The following MSR1 variants were observed in gnomAD, a reference collection of about 807,000 sequenced individuals.
The protein encoded by MSR1 is macrophage scavenger receptor 1, also known as macrophage scavenger receptor types I and II.
Under a neutral mutation model 47.2 loss-of-function variants are expected in MSR1, and 53 were observed. The ratio of observed to expected loss-of-function variants is 1.12; its 90% CI spans 0.90 to 1.41. The LOEUF (loss-of-function observed/expected upper bound fraction) is 1.41. Among genes scored for constraint, MSR1 ranks in the 40% most tolerant of loss-of-function variants. The pLI, the probability that MSR1 is intolerant of heterozygous loss-of-function variation, is 0.00. For synonymous variants in MSR1, 239 were observed against 185.6 expected, an observed-to-expected ratio of 1.29 and a Z score of -2.34; for missense variants, 786 against 546.9, an observed-to-expected ratio of 1.44 and a Z score of -4.36.
At chr8:16,168,980 T>G in intron 3 of MSR1, 110 bp from the exon 4 acceptor site, 1 of 1,101,934 alleles carries the variant, frequency 9.1e-7, no homozygotes, top group Non-Finnish European at 1.3e-6. Flanking sequence ...CATTCCAACA[T>G]TTTGAATGCT....
At position 16,168,876 on chromosome 8, in the gene MSR1, T is replaced by C; in HGVS notation, c.218-6A>G. On this transcript the variant is annotated splice_polypyrimidine_tract_variant and splice_region_variant and intron_variant, in intron 3 of 9. Transcript: ENST00000262101. The stretch of plus-strand genomic sequence containing the variant: ...TTCCCACTTCAGGAGTTGAGCTGTA[T>C]ATTTAAGTAAAAATAAACCAGTCAT... 1 of 1,611,274 alleles carries C rather than the reference T, an allele frequency of 6.2e-7. No individual in the cohort carries two copies. The highest frequency in any genetic ancestry group is 8.5e-7 in the Non-Finnish European group (1 of 1,179,914).
chr8:16,157,646 G>C (rs143494639), intron 5 of MSR1, among the ~76,000 whole-genome samples: 2,022 of 151,830 alleles, frequency 0.013, 54 homozygotes, highest in African/African-American at 0.046. Flanking sequence ...AGATTCATTG[G>C]GGGAATAAAA....
chr8:16,187,923 T>C (rs404906), intron 1 of MSR1, among the ~76,000 whole-genome samples: 27,745 of 152,148 alleles, frequency 0.18, 3,955 homozygotes, highest in African/African-American at 0.39. Context: ...ATAATCATTG[T>C]AATTTTTTAG....
chr8:16,149,665 G>C (rs34853943), intron 7 of MSR1, among the ~76,000 whole-genome samples: 2 of 152,232 alleles, frequency 1.3e-5, no homozygotes, highest in African/African-American at 4.8e-5. Context: ...CATCATGTGT[G>C]TACATTTCAA....
chr8:16,147,344 C>G (rs902658261), intron 7 of MSR1, among the ~76,000 whole-genome samples: 3 of 152,006 alleles, frequency 2.0e-5, no homozygotes, highest in Non-Finnish European at 4.4e-5. Flanking sequence ...CCCTTACGAG[C>G]AGTGTGTACT....
intron 8 of MSR1, among the ~76,000 whole-genome samples, chr8:16,125,022 A>G (rs923455604): frequency 6.6e-5 from 10 of 151,948 alleles, no homozygotes; most frequent in African/African-American, 1.2e-4. Context: ...TGGCATAAAC[A>G]TAAGTGTTTT....
chr8:16,179,601 C>T (rs1015530833), intron 1 of MSR1, among the ~76,000 whole-genome samples: 5 of 151,896 alleles, frequency 3.3e-5, no homozygotes, highest in African/African-American at 1.2e-4. Context: ...ATTTATTGGC[C>T]GGGCACAGTG....
chr8:16,170,426 G>T (rs1422687390), intron 3 of MSR1, among the ~76,000 whole-genome samples: 2 of 151,776 alleles, frequency 1.3e-5, no homozygotes, highest in Non-Finnish European at 2.9e-5. Context: ...ATTCAGTCAT[G>T]GCTGAGGTTT....
chr8:16,183,792 T>A (rs868401080), intron 1 of MSR1, among the ~76,000 whole-genome samples: 1 of 143,610 alleles, frequency 7.0e-6, no homozygotes, highest in Middle Eastern at 3.6e-3. Flanking sequence ...TAATATATTA[T>A]ATATTATATT....
intron 8 of MSR1, among the ~76,000 whole-genome samples, chr8:16,136,186 C>T (rs1350540019): frequency 6.6e-6 from 1 of 152,080 alleles, no homozygotes; most frequent in Non-Finnish European, 1.5e-5. Flanking sequence ...CCATTGCATG[C>T]AGCAGAGAAA....
At chr8:16,177,603 T>C (rs984746968) in intron 2 of MSR1, among the ~76,000 whole-genome samples, 1 of 152,078 alleles carries the variant, frequency 6.6e-6, no homozygotes, top group Non-Finnish European at 1.5e-5. Flanking sequence ...GATTTTCGAA[T>C]ATTAGCTCAC....
chr8:16,153,256 G>A (rs1800910467), intron 6 of MSR1, among the ~76,000 whole-genome samples: 1 of 152,012 alleles, frequency 6.6e-6, no homozygotes, highest in African/African-American at 2.4e-5. Context: ...TTTGCTTCCT[G>A]ATTTCGGCAT....
intron 8 of MSR1, among the ~76,000 whole-genome samples, chr8:16,134,091 T>A (rs1585147337): frequency 6.6e-6 from 1 of 152,226 alleles, no homozygotes; most frequent in African/African-American, 2.4e-5. Flanking sequence ...TTTTGTCAAC[T>A]GCTGATTCCT....
intron 8 of MSR1, among the ~76,000 whole-genome samples, chr8:16,125,721 C>G (rs1279066946): frequency 3.3e-5 from 5 of 152,100 alleles, no homozygotes; most frequent in African/African-American, 9.7e-5. Flanking sequence ...GGTAGACATA[C>G]TGGTACTTCA....
chr8:16,183,589 CATAAT>C (rs1482886867), intron 1 of MSR1, among the ~76,000 whole-genome samples: 3 of 137,536 alleles, frequency 2.2e-5, no homozygotes, highest in South Asian at 4.4e-4. Context: ...TAATATATTA[CATAAT>C]ATATTATATA....
chr8:16,130,279 G>A (rs1328400388), intron 8 of MSR1, among the ~76,000 whole-genome samples: 1 of 152,082 alleles, frequency 6.6e-6, no homozygotes, highest in Non-Finnish European at 1.5e-5. Flanking sequence ...AAAATTTGTG[G>A]TAATTCTGTG....
chr8:16,110,085 T>C lies in MSR1; in HGVS notation c.1356A>G (p.Ter452=), dbSNP rs1799723202. The change falls in exon 10 of 10, where the codon TAA becomes TAG. Residue 452 remains the stop codon, a stop_retained_variant. Transcript: ENST00000262101. The part of the protein sequence containing the change: ...SEDAGVTCTL[*] ...TAGTTGTGAATGAAAATATGATGCA[T>C]TATAAAGTGCAAGTGACTCCAGCAT... 6.2e-7 allele frequency: 1 copy of C among 1,613,522 alleles called. No homozygotes were observed. Among genetic ancestry groups the C allele is most frequent in the Non-Finnish European group, 8.5e-7 (1 of 1,179,630 alleles).
intron 5 of MSR1, among the ~76,000 whole-genome samples, chr8:16,160,593 T>C (rs1801133485): frequency 6.6e-6 from 1 of 151,920 alleles, no homozygotes; most frequent in Non-Finnish European, 1.5e-5. Flanking sequence ...GTAAAAACTA[T>C]GAGGAAATTA....
At chr8:16,141,669 C>T (rs1307799859) in intron 8 of MSR1, among the ~76,000 whole-genome samples, 1 of 152,092 alleles carries the variant, frequency 6.6e-6, no homozygotes, top group Non-Finnish European at 1.5e-5. Context: ...ATCTCTCTTA[C>T]TCCTTCCTCA....
Sources: allele counts gnomAD v4.1 joint callset (sites outside exome capture counted in the v4.1 genomes callset), GRCh38; gene constraint gnomAD v4.1.1; transcripts MANE v1.5; gene names NCBI Gene and HGNC (gene_info 2026-07-23, HGNC 2026-07-21).